The following CDH13 variants were observed in gnomAD, a reference collection of about 807,000 sequenced individuals.
CDH13 encodes the protein cadherin 13, also known as cadherin-13.
A neutral mutation model predicts 63.8 loss-of-function variants in CDH13; 24 were observed. That is an observed-to-expected ratio of 0.38 (90% CI 0.27 to 0.53). CDH13 has a LOEUF of 0.53. Among genes scored for constraint, CDH13 ranks in the 20% least tolerant of loss-of-function variants. The pLI is 0.85. For missense variants in CDH13, 1,049 were observed against 903.1 expected (o/e 1.16, Z -2.07); for synonymous variants, 503 against 355.3 (o/e 1.42, Z -4.67).
rs180779888 is a variant in CDH13, at chr16:83,060,265, A to G, written c.366+28047A>G. Among the ~76,000 whole-genome samples, 129 of 152,348 alleles carry G rather than the reference A, an allele frequency of 8.5e-4. 1 individual carries two copies. The highest frequency in any genetic ancestry group is 2.8e-3 in the African/African-American group (115 of 41,590). On this transcript the variant is annotated intron_variant, in intron 3 of 13. Transcript: ENST00000567109. ...CCACAACTTCTTTGGTTCAAATTAA[A>G]GAATATAGGTCATTTGTCCCAGAGA...
chr16:83,408,270 C>T (rs2092076377), intron 6 of CDH13, among the ~76,000 whole-genome samples: 1 of 152,230 alleles, frequency 6.6e-6, no homozygotes, highest in Admixed American at 6.5e-5. Context: ...ACTGCACACA[C>T]ATACACATAT....
intron 2 of CDH13, among the ~76,000 whole-genome samples, chr16:82,986,339 C>T (rs1474308516): frequency 3.3e-5 from 5 of 152,178 alleles, no homozygotes; most frequent in Non-Finnish European, 7.3e-5. Context: ...CAATCAAAAC[C>T]AAGCCGCTTT....
chr16:83,486,138 G>C (rs1416613038), intron 6 of CDH13, among the ~76,000 whole-genome samples: 2 of 80,270 alleles, frequency 2.5e-5, no homozygotes, highest in Non-Finnish European at 5.4e-5. Context: ...GCGAGACTCT[G>C]TCTAAAAAAA....
intron 1 of CDH13, among the ~76,000 whole-genome samples, chr16:82,838,952 C>T (rs548474211): frequency 1.3e-5 from 2 of 152,218 alleles, no homozygotes; most frequent in Non-Finnish European, 2.9e-5. Context: ...TGCAGGCCAT[C>T]CAGTCTCTGG....
intron 4 of CDH13, among the ~76,000 whole-genome samples, chr16:83,156,375 A>G (rs1385236110): frequency 6.6e-6 from 1 of 152,060 alleles, no homozygotes; most frequent in Admixed American, 6.5e-5. Context: ...TAAGCAAAGC[A>G]TTTTCCTTTC....
At chr16:82,822,333 T>C (rs1241658512) in intron 1 of CDH13, among the ~76,000 whole-genome samples, 1 of 152,202 alleles carries the variant, frequency 6.6e-6, no homozygotes, top group African/African-American at 2.4e-5. Flanking sequence ...CTATTTGGGA[T>C]AATGTTCGGA....
chr16:83,180,943 C>A, intron 4 of CDH13: 7 of 1,530,340 alleles, frequency 4.6e-6, no homozygotes, highest in Non-Finnish European at 6.1e-6. Flanking sequence ...CCATGCATTA[C>A]AATTTTAGCA....
intron 1 of CDH13, among the ~76,000 whole-genome samples, chr16:82,631,824 C>T (rs1908041548): frequency 6.6e-6 from 1 of 152,174 alleles, no homozygotes; most frequent in Admixed American, 6.5e-5. Context: ...GAAGTGCTGA[C>T]TGAGCCAGGG....
intron 1 of CDH13, among the ~76,000 whole-genome samples, chr16:82,767,914 C>A (rs924735881): frequency 6.6e-6 from 1 of 152,120 alleles, no homozygotes; most frequent in African/African-American, 2.4e-5. Context: ...CTTCACCCCA[C>A]GAGCCAAAAG....
At chr16:83,307,008 C>G (rs78428366) in intron 5 of CDH13, among the ~76,000 whole-genome samples, 4,713 of 152,262 alleles carry the variant, frequency 0.031, 257 homozygotes, top group African/African-American at 0.11. Flanking sequence ...AATAGTGGAA[C>G]AAATTAAACC....
chr16:83,495,769 G>A (rs2074125526), intron 7 of CDH13, among the ~76,000 whole-genome samples: 1 of 152,116 alleles, frequency 6.6e-6, no homozygotes, highest in Non-Finnish European at 1.5e-5. Context: ...GGCTTGTAGA[G>A]CATGATTCCC....
At position 83,126,582 on chromosome 16, in the gene CDH13, C is replaced by G. The variant is rs1477405653; in HGVS notation, c.483+1081C>G. Among the ~76,000 whole-genome samples the G allele has an allele frequency of 4.6e-5, 7 of 152,192 alleles. No homozygotes were observed. In the East Asian group the frequency reaches 1.4e-3, roughly 30 times the overall value. On this transcript the variant is annotated intron_variant, in intron 4 of 13. Transcript: ENST00000567109. ...AAGAGATGTGAGTCACAGATTGGGA[C>G]TAATGGGAGAAGTTGTTTATAGAGC...
chr16:83,184,089 A>AACAC (rs10656475), intron 4 of CDH13, among the ~76,000 whole-genome samples: 43,569 of 131,300 alleles, frequency 0.33, 7,780 homozygotes, highest in Middle Eastern at 0.48. Context: ...CTAGAGGTTA[A>AACAC]ACACACACAC....
At chr16:82,921,012 C>A (rs1012169278) in intron 2 of CDH13, among the ~76,000 whole-genome samples, 2 of 152,034 alleles carry the variant, frequency 1.3e-5, no homozygotes, top group African/African-American at 4.8e-5. Context: ...GTCCTCTAGT[C>A]TATTAATTAA....
chr16:83,433,230 C>G (rs900088128), intron 6 of CDH13, among the ~76,000 whole-genome samples: 1 of 152,196 alleles, frequency 6.6e-6, no homozygotes, highest in Non-Finnish European at 1.5e-5. Flanking sequence ...CGTCCTGGCT[C>G]TTGTGTGAAT....
At chr16:83,060,546 C>T (rs1210208869) in intron 3 of CDH13, among the ~76,000 whole-genome samples, 1 of 152,098 alleles carries the variant, frequency 6.6e-6, no homozygotes, top group African/African-American at 2.4e-5. Flanking sequence ...TAAAGAGGCC[C>T]AGAGAGGCAG....
chr16:83,229,146 A>G (rs2039931909), intron 5 of CDH13, among the ~76,000 whole-genome samples: 2 of 152,220 alleles, frequency 1.3e-5, no homozygotes. Context: ...GAGGGTTCTC[A>G]GGAAGGGAGT....
chr16:83,767,821 A>T (rs974485828), intron 11 of CDH13, among the ~76,000 whole-genome samples: 1 of 152,140 alleles, frequency 6.6e-6, no homozygotes, highest in African/African-American at 2.4e-5. Flanking sequence ...CAGAAAATTG[A>T]TCAGTAGTTG....
Position 83,217,360 on chromosome 16 carries a change from A to C in CDH13, c.499A>C (p.Arg167=), listed in dbSNP as rs770938833. The stretch of plus-strand genomic sequence containing the variant: ...TTCTGACTAGGTAGTCGATAGTGAC[A>C]GGCCAGAAAGGTCCAAGTTCCGGCT... ...RDVGKVVDSD[R]PERSKFRLTG... is the part of the protein sequence containing the mutation. The change falls in exon 5 of 14, where the codon AGG becomes CGG. Residue 167 remains arginine, a synonymous_variant. Coordinates refer to ENST00000567109, the MANE Select transcript of CDH13 (RefSeq NM_001257.5). The C allele has an allele frequency of 1.9e-6, 3 of 1,613,938 alleles. No individual in the cohort carries two copies. Among genetic ancestry groups the C allele is most frequent in the Non-Finnish European group, 2.5e-6 (3 of 1,179,832 alleles).
Sources: allele counts gnomAD v4.1 joint callset (sites outside exome capture counted in the v4.1 genomes callset), GRCh38; gene constraint gnomAD v4.1.1; transcripts MANE v1.5; gene names NCBI Gene and HGNC (gene_info 2026-07-23, HGNC 2026-07-21).